FSTL5: variants seen among roughly 807,000 people sequenced by gnomAD.
The protein encoded by FSTL5 is follistatin-related protein 5.
FSTL5 carries 62 observed loss-of-function variants against 89.1 expected under a neutral mutation model. That is an observed-to-expected ratio of 0.70 (90% CI 0.57 to 0.86). FSTL5 has a LOEUF of 0.86. FSTL5 is among the 40% of genes least tolerant of loss of function. The pLI, the probability that FSTL5 is intolerant of heterozygous loss-of-function variation, is 0.00. For synonymous variants in FSTL5, 383 were observed against 346.2 expected (o/e 1.11, Z -1.18); for missense variants, 1,057 against 1,001.6 (o/e 1.06, Z -0.75).
intron 8 of FSTL5, among the ~76,000 whole-genome samples, chr4:161,573,111 A>G (rs1428869098): frequency 6.6e-6 from 1 of 152,174 alleles, no homozygotes; most frequent in Non-Finnish European, 1.5e-5. Flanking sequence ...TGCTGCCTTA[A>G]GAAATATCAC....
chr4:162,125,259 C>T (rs973256315), intron 1 of FSTL5, among the ~76,000 whole-genome samples: 3 of 151,988 alleles, frequency 2.0e-5, no homozygotes, highest in Non-Finnish European at 2.9e-5. Flanking sequence ...AATTCACTGA[C>T]TTATTTAATG....
At chr4:161,957,499 C>T (rs965565955) in intron 3 of FSTL5, among the ~76,000 whole-genome samples, 3 of 151,960 alleles carry the variant, frequency 2.0e-5, no homozygotes, top group African/African-American at 4.8e-5. Flanking sequence ...TGTCAGAAAT[C>T]AGGGTAGAAG....
At chr4:161,419,436 A>T (rs72681778) in intron 15 of FSTL5, among the ~76,000 whole-genome samples, 12,181 of 152,242 alleles carry the variant, frequency 0.08, 619 homozygotes, top group Non-Finnish European at 0.12. Flanking sequence ...AAAGAAAGAA[A>T]AAAGGAAGAA....
chr4:161,778,132 GA>G (rs1322591160), intron 4 of FSTL5, among the ~76,000 whole-genome samples: 3 of 149,192 alleles, frequency 2.0e-5, no homozygotes, highest in African/African-American at 5.0e-5. Flanking sequence ...ACAAAAGGAA[GA>G]AAAAATTCTC....
intron 4 of FSTL5, among the ~76,000 whole-genome samples, chr4:161,872,149 T>TG (rs1560892333): frequency 2.4e-5 from 3 of 127,056 alleles, no homozygotes; most frequent in Non-Finnish European, 3.4e-5. Context: ...TGGTTTTTTT[T>TG]TTTTTTTTTG....
At chr4:162,102,630 CAT>C (rs981968500) in intron 2 of FSTL5, among the ~76,000 whole-genome samples, 6 of 141,260 alleles carry the variant, frequency 4.2e-5, no homozygotes, top group East Asian at 2.2e-4. Context: ...ATATTTATAA[CAT>C]ATATAAATAT....
chr4:162,091,516 ACC>A (rs1306799720), intron 2 of FSTL5, among the ~76,000 whole-genome samples: 1 of 151,942 alleles, frequency 6.6e-6, no homozygotes, highest in Non-Finnish European at 1.5e-5. Flanking sequence ...AAAATTTCCA[ACC>A]CTCCTTCCCC....
chr4:161,741,692 T>TA (rs527363704), intron 6 of FSTL5, among the ~76,000 whole-genome samples: 190 of 95,118 alleles, frequency 2.0e-3, no homozygotes, highest in Non-Finnish European at 4.7e-3. Context: ...TTTTTTTTTT[T>TA]TTTTTTTTTT....
chr4:161,992,058 T>C (rs944847062), intron 3 of FSTL5, among the ~76,000 whole-genome samples: 13 of 151,820 alleles, frequency 8.6e-5, no homozygotes, highest in African/African-American at 3.1e-4. Context: ...AGGAAAAAAG[T>C]GAAGGAAAAG....
Position 162,047,875 on chromosome 4 carries a change from C to T in FSTL5, c.127-14217G>A, listed in dbSNP as rs1323193937. On this transcript the variant is annotated intron_variant, in intron 2 of 15. Coordinates refer to ENST00000306100, the MANE Select transcript of FSTL5 (RefSeq NM_020116.5). The stretch of plus-strand genomic sequence containing the variant: ...CAACAACAACAAAAAACTATGAGTT[C>T]GCCATATAGTATGTCCTTAAAATAA... Among the ~76,000 whole-genome samples, 9 of 151,896 alleles carry T rather than the reference C, an allele frequency of 5.9e-5. No individual in the cohort carries two copies. In the East Asian group the frequency reaches 9.7e-4, roughly 16 times the overall value.
intron 3 of FSTL5, among the ~76,000 whole-genome samples, chr4:161,969,668 C>A (rs1436001219): frequency 6.6e-6 from 1 of 152,088 alleles, no homozygotes; most frequent in East Asian, 1.9e-4. Flanking sequence ...GTATAATCCA[C>A]ACGTATTTCC....
chr4:161,994,397 C>A (rs144121346), intron 3 of FSTL5, among the ~76,000 whole-genome samples: 1 of 152,246 alleles, frequency 6.6e-6, no homozygotes, highest in African/African-American at 2.4e-5. Flanking sequence ...GGTATGCACC[C>A]CATATTGGGA....
At chr4:161,913,070 A>T (rs1428765921) in intron 4 of FSTL5, among the ~76,000 whole-genome samples, 1 of 152,210 alleles carries the variant, frequency 6.6e-6, no homozygotes, top group Non-Finnish European at 1.5e-5. Context: ...CTTGGGTGCC[A>T]TAAAAAACAT....
At chr4:162,028,401 A>G (rs1442216833) in intron 3 of FSTL5, among the ~76,000 whole-genome samples, 1 of 152,084 alleles carries the variant, frequency 6.6e-6, no homozygotes, top group Non-Finnish European at 1.5e-5. Flanking sequence ...ACATGGCAAA[A>G]CCCCAACTCT....
intron 15 of FSTL5, among the ~76,000 whole-genome samples, chr4:161,425,835 C>G (rs1732150192): frequency 6.6e-6 from 1 of 152,072 alleles, no homozygotes; most frequent in Non-Finnish European, 1.5e-5. Flanking sequence ...GGATTAGATC[C>G]TATGTTCCCA....
chr4:161,735,648 G>C (rs191010169), intron 6 of FSTL5, among the ~76,000 whole-genome samples: 1 of 152,014 alleles, frequency 6.6e-6, no homozygotes. Context: ...TTTATCATGC[G>C]TATAGTATAA....
At chr4:162,117,133 T>C (rs1205907577) in intron 1 of FSTL5, among the ~76,000 whole-genome samples, 3 of 152,212 alleles carry the variant, frequency 2.0e-5, no homozygotes, top group Non-Finnish European at 4.4e-5. Context: ...CACTAGTGCC[T>C]TTTTTCTTTT....
chr4:161,847,821 G>GA (rs1731416863), intron 4 of FSTL5, among the ~76,000 whole-genome samples: 2 of 151,866 alleles, frequency 1.3e-5, no homozygotes, highest in South Asian at 2.1e-4. Context: ...AAGATCACCT[G>GA]AGGTCAGGAG....
intron 3 of FSTL5, among the ~76,000 whole-genome samples, chr4:161,957,884 T>C (rs1396642087): frequency 6.6e-6 from 1 of 152,050 alleles, no homozygotes; most frequent in Non-Finnish European, 1.5e-5. Context: ...GATGGTTGAG[T>C]TTCATGGACA....
Sources: allele counts gnomAD v4.1 joint callset (sites outside exome capture counted in the v4.1 genomes callset), GRCh38; gene constraint gnomAD v4.1.1; transcripts MANE v1.5; gene names NCBI Gene and HGNC (gene_info 2026-07-23, HGNC 2026-07-21).